Variants in COMMD1 observed in about 807,000 individuals in gnomAD.
COMMD1 encodes copper metabolism domain containing 1.
COMMD1 carries 10 observed loss-of-function variants against 17.2 expected under a neutral mutation model. The ratio of observed to expected loss-of-function variants is 0.58; its 90% CI spans 0.36 to 0.99. The LOEUF is 0.99. Among genes scored for constraint, COMMD1 ranks in the 50% least tolerant of loss-of-function variants. The pLI is 0.01. For missense variants in COMMD1, 270 were observed against 231.8 expected, an observed-to-expected ratio of 1.17 and a Z score of -1.07; for synonymous variants, 97 against 91.6, an observed-to-expected ratio of 1.06 and a Z score of -0.34.
At chr2:62,073,566 T>TTACCTGTA (rs1205460650) in intron 2 of COMMD1, among the ~76,000 whole-genome samples, 3 of 152,246 alleles carry the variant, frequency 2.0e-5, no homozygotes, top group Non-Finnish European at 2.9e-5. Context: ...AATGTATACC[T>TTACCTGTA]TACCTGTAAT....
At chr2:62,030,233 A>G (rs1669876966) in intron 2 of COMMD1, among the ~76,000 whole-genome samples, 1 of 152,102 alleles carries the variant, frequency 6.6e-6, no homozygotes, top group Non-Finnish European at 1.5e-5. Flanking sequence ...GCCAGTTTTT[A>G]CACAGGGTAT....
chr2:61,966,928 G>A (rs540683748), intron 1 of COMMD1, among the ~76,000 whole-genome samples: 6 of 152,122 alleles, frequency 3.9e-5, no homozygotes, highest in South Asian at 2.1e-4. Flanking sequence ...AAAATTTACC[G>A]TCAACTTGAA....
intron 1 of COMMD1, among the ~76,000 whole-genome samples, chr2:61,931,735 A>G (rs1045198498): frequency 1.3e-5 from 2 of 152,212 alleles, no homozygotes; most frequent in African/African-American, 4.8e-5. Flanking sequence ...GCTCACTGCT[A>G]CTTGACATAA....
At chr2:61,909,174 C>T (rs1356476983) in intron 1 of COMMD1, among the ~76,000 whole-genome samples, 5 of 151,782 alleles carry the variant, frequency 3.3e-5, no homozygotes, top group African/African-American at 7.3e-5. Flanking sequence ...ATGATCTGCC[C>T]GCCTCGGCCT....
chr2:61,959,551 A>AG (rs1191512447), intron 1 of COMMD1, among the ~76,000 whole-genome samples: 1 of 152,228 alleles, frequency 6.6e-6, no homozygotes, highest in Non-Finnish European at 1.5e-5. Context: ...TTTACAGATA[A>AG]GTAAACTGAG....
chr2:61,907,235 T>A (rs1177573578), intron 1 of COMMD1, among the ~76,000 whole-genome samples: 2 of 152,070 alleles, frequency 1.3e-5, no homozygotes, highest in East Asian at 1.9e-4. Flanking sequence ...GCCTCCCGAG[T>A]AGCTGGGGTT....
At chr2:61,987,430 G>A (rs902264991) in intron 1 of COMMD1, among the ~76,000 whole-genome samples, 1 of 152,184 alleles carries the variant, frequency 6.6e-6, no homozygotes, top group Admixed American at 6.5e-5. Context: ...TGAAGTTCTT[G>A]CAGACTTGTA....
chr2:61,962,194 T>C (rs1671359398), intron 1 of COMMD1, among the ~76,000 whole-genome samples: 1 of 152,202 alleles, frequency 6.6e-6, no homozygotes, highest in Non-Finnish European at 1.5e-5. Context: ...TTTATTTTCC[T>C]GGTCGGATTG....
chr2:62,095,787 TAGTCAAGTTTCACAGCATGC>T (rs2104008523), intron 2 of COMMD1, among the ~76,000 whole-genome samples: 4 of 141,046 alleles, frequency 2.8e-5, no homozygotes, highest in Non-Finnish European at 6.1e-5. Flanking sequence ...TTATGTTGTG[TAGTCAAGTTTCACAGCATGC>T]ATATATATAT....
chr2:62,064,778 C>T (rs780035555), intron 2 of COMMD1, among the ~76,000 whole-genome samples: 2 of 152,078 alleles, frequency 1.3e-5, no homozygotes, highest in South Asian at 4.1e-4. Flanking sequence ...TTTATCTAAC[C>T]TTTCTAAATT....
At chr2:62,082,635 G>A (rs1027448591) in intron 2 of COMMD1, among the ~76,000 whole-genome samples, 2 of 152,176 alleles carry the variant, frequency 1.3e-5, no homozygotes, top group Admixed American at 1.3e-4. Flanking sequence ...GCCGAGGCAG[G>A]CGGATCACAA....
chr2:61,964,072 C>T (rs768179182), intron 1 of COMMD1, among the ~76,000 whole-genome samples: 3 of 152,200 alleles, frequency 2.0e-5, no homozygotes, highest in Non-Finnish European at 2.9e-5. Flanking sequence ...TACTTTCAGT[C>T]GGAAGTAGAT....
At chr2:62,129,521 G>C (rs1262541467) in intron 2 of COMMD1, among the ~76,000 whole-genome samples, 2 of 152,172 alleles carry the variant, frequency 1.3e-5, no homozygotes, top group Non-Finnish European at 2.9e-5. Context: ...TGAAGTAAAG[G>C]AGCAGTATCA....
chr2:62,003,605 T>TACACACACACACAC (rs57628894), intron 2 of COMMD1, among the ~76,000 whole-genome samples: 8 of 146,260 alleles, frequency 5.5e-5, no homozygotes, highest in South Asian at 2.2e-4. Context: ...CAGATATTTT[T>TACACACACACACAC]ACACACACAC....
chr2:61,926,203 C>T (rs544736006), intron 1 of COMMD1, among the ~76,000 whole-genome samples: 46 of 152,236 alleles, frequency 3.0e-4, no homozygotes, highest in African/African-American at 1.1e-3. Flanking sequence ...CATCTCCTGA[C>T]CTTGTGATCT....
intron 2 of COMMD1, 107 bp downstream of exon 2, chr2:62,001,089 C>T (rs1158298583): frequency 1.9e-6 from 2 of 1,078,192 alleles, no homozygotes; most frequent in African/African-American, 3.1e-5. Flanking sequence ...GGAAAAGACA[C>T]TGTTTCCTAG....
At chr2:62,023,052 C>T (rs1379219721) in intron 2 of COMMD1, among the ~76,000 whole-genome samples, 1 of 152,100 alleles carries the variant, frequency 6.6e-6, no homozygotes, top group African/African-American at 2.4e-5. Flanking sequence ...CATGGTGAAA[C>T]CTCGACTCTA....
chr2:61,948,335 A>C (rs1670963601), intron 1 of COMMD1, among the ~76,000 whole-genome samples: 1 of 152,192 alleles, frequency 6.6e-6, no homozygotes, highest in African/African-American at 2.4e-5. Flanking sequence ...TTAACTCCAA[A>C]AACACATACA....
intron 1 of COMMD1, among the ~76,000 whole-genome samples, chr2:61,925,056 C>A (rs1360447446): frequency 6.6e-6 from 1 of 152,138 alleles, no homozygotes; most frequent in African/African-American, 2.4e-5. Flanking sequence ...TCTTCACTCA[C>A]CCTGGTGGAG....
Sources: allele counts gnomAD v4.1 joint callset (sites outside exome capture counted in the v4.1 genomes callset), GRCh38; gene constraint gnomAD v4.1.1; transcripts MANE v1.5; gene names NCBI Gene and HGNC (gene_info 2026-07-23, HGNC 2026-07-21).